Variants in MEI1 observed in about 807,000 individuals in gnomAD.
The protein encoded by MEI1 is meiosis inhibitor protein 1.
Under a neutral mutation model 146.2 loss-of-function variants are expected in MEI1, and 103 were observed. That is an observed-to-expected ratio of 0.70 (90% CI 0.60 to 0.83). MEI1 has a LOEUF of 0.83. MEI1 is among the 40% of genes least tolerant of loss of function. The pLI is 0.00. For synonymous variants in MEI1, 652 were observed against 628.2 expected (o/e 1.04, Z -0.57); for missense variants, 1,529 against 1,533.0 (o/e 1.00, Z 0.04).
intron 11 of MEI1, among the ~76,000 whole-genome samples, chr22:41,737,119 C>T (rs1380635561): frequency 6.6e-6 from 1 of 152,192 alleles, no homozygotes; most frequent in Non-Finnish European, 1.5e-5. Context: ...AAATAATATT[C>T]CCTTAAATCA....
At chr22:41,745,487 G>C (rs2073215779) in intron 13 of MEI1, among the ~76,000 whole-genome samples, 1 of 152,120 alleles carries the variant, frequency 6.6e-6, no homozygotes, top group African/African-American at 2.4e-5. Flanking sequence ...TGCCCTCAAG[G>C]AGCTCACAGT....
At chr22:41,707,997 A>G (rs2069227707) in intron 3 of MEI1, among the ~76,000 whole-genome samples, 1 of 152,230 alleles carries the variant, frequency 6.6e-6, no homozygotes, top group Admixed American at 6.5e-5. Context: ...CATAGAACAA[A>G]AACAACTTTT....
intron 20 of MEI1, chr22:41,774,208 G>C (rs969158185): frequency 6.6e-6 from 1 of 152,214 alleles, no homozygotes; most frequent in Non-Finnish European, 1.5e-5. Context: ...ACTACAGATT[G>C]GGTCATAGTT....
intron 1 of MEI1, 61 bp from the exon 2 acceptor site, chr22:41,703,270 G>A: frequency 6.4e-7 from 1 of 1,570,676 alleles, no homozygotes; most frequent in Non-Finnish European, 8.7e-7. Flanking sequence ...AATTACGGTT[G>A]TTGGATTCAG....
rs1368758048 is a variant in MEI1, at chr22:41,715,646, C to T, written c.424-395C>T. Among the ~76,000 whole-genome samples, 8 of 152,062 alleles carry T rather than the reference C, an allele frequency of 5.3e-5. No homozygotes were observed. The South Asian group carries it at 1.2e-3, about 24-fold the overall frequency. On this transcript the variant is annotated intron_variant, in intron 4 of 30. Coordinates refer to ENST00000401548, the MANE Select transcript of MEI1 (RefSeq NM_152513.4). Reference sequence around the variant, plus strand: ...TCCTGACCTCGTGATCCGCCCGCCTCGGCCTCCCAAAATGCTGGGATTACA... The same window carrying T: ...TCCTGACCTCGTGATCCGCCCGCCTTGGCCTCCCAAAATGCTGGGATTACA...
rs373499667 is a variant in MEI1, at chr22:41,753,998, C to G, written c.1903C>G (p.Leu635Val). The G allele has an allele frequency of 1.9e-6, 3 of 1,613,762 alleles. No individual in the cohort carries two copies. In the South Asian group the frequency reaches 3.3e-5, roughly 18 times the overall value. Residue 635 changes from leucine (L) to valine (V), a missense_variant, in exon 17 of 31, where the codon CTC becomes GTC. Transcript: ENST00000401548. ...TTCCAATTTCCTCTACTATATGTGC[C>G]TCAACCTTCTCTCAGCTCCAGAGAA... is the stretch of plus-strand genomic sequence containing the variant. The part of the protein sequence containing the change: ...VCSNFLYYMC[L>V]NLLSAPEKTG...
intron 1 of MEI1, among the ~76,000 whole-genome samples, chr22:41,701,665 GAC>G (rs1431039162): frequency 5.3e-5 from 8 of 152,122 alleles, no homozygotes; most frequent in Admixed American, 2.6e-4. Context: ...AGATGAATAA[GAC>G]AGTGCAGCGG....
At chr22:41,773,173 C>T (rs1241712517) in intron 20 of MEI1, among the ~76,000 whole-genome samples, 1 of 152,198 alleles carries the variant, frequency 6.6e-6, no homozygotes, top group Non-Finnish European at 1.5e-5. Context: ...TCCTTATCAC[C>T]TCTCCTTTCT....
intron 17 of MEI1, among the ~76,000 whole-genome samples, chr22:41,755,839 C>T (rs188916749): frequency 6.6e-6 from 1 of 152,252 alleles, no homozygotes; most frequent in African/African-American, 2.4e-5. Context: ...GCTGACCTGG[C>T]TCTGCTACCA....
intron 3 of MEI1, among the ~76,000 whole-genome samples, chr22:41,709,967 T>C (rs778845260): frequency 1.3e-5 from 2 of 152,050 alleles, no homozygotes; most frequent in Non-Finnish European, 2.9e-5. Context: ...TAAATTTATA[T>C]GTACCCCCCA....
intron 18 of MEI1, among the ~76,000 whole-genome samples, chr22:41,762,805 C>T (rs183256743): frequency 6.6e-6 from 1 of 152,146 alleles, no homozygotes; most frequent in East Asian, 1.9e-4. Context: ...GTTAAATACA[C>T]CACTGTTTAA....
intron 20 of MEI1, 133 bp downstream of exon 20, chr22:41,771,094 G>T (rs1042739809): frequency 1.1e-5 from 11 of 979,326 alleles, no homozygotes; most frequent in Middle Eastern, 3.3e-4. Context: ...CTGCATGTGA[G>T]TTGGAGGGGT....
chr22:41,784,668 C>G lies in MEI1; in HGVS notation c.3230C>G (p.Ala1077Gly). Residue 1077 changes from alanine (A) to glycine (G), a missense_variant, in exon 26 of 31, where the codon GCC (alanine) becomes GGC (glycine). Physicochemically the swap from Ala to Gly is moderately conservative, Grantham distance 60. This residue lies in a region of MEI1 where 313 missense variants were observed against 337.3 expected (regional missense o/e 0.93). Transcript: ENST00000401548. ...CAAAGCTTTTCCTCTGCCCTGGTAGCCCTGGTGCCCTCAGGGGCCCAGCCA... is the reference window on the plus strand; with the variant it reads ...CAAAGCTTTTCCTCTGCCCTGGTAGGCCTGGTGCCCTCAGGGGCCCAGCCA... ...LRQSFSSALV[A>G]LVPSGAQPLP... is the part of the protein sequence containing the mutation. 6.2e-7 allele frequency: 1 copy of G among 1,613,778 alleles called. No homozygotes were observed. The highest frequency in any genetic ancestry group is 8.5e-7 in the Non-Finnish European group (1 of 1,179,874).
At position 41,776,175 on chromosome 22, in the gene MEI1, A is replaced by G; in HGVS notation, c.2618A>G (p.Asn873Ser). The change falls in exon 21 of 31, where the codon AAT (asparagine) becomes AGT (serine). Residue 873 changes from asparagine to serine, a missense_variant. Physicochemically the swap from Asn to Ser is conservative, Grantham distance 46. Around this residue, in one of 3 missense-constraint regions of MEI1, gnomAD observed 1,212 missense variants for 1,178.9 expected, o/e 1.03. Coordinates refer to ENST00000401548, the MANE Select transcript of MEI1 (RefSeq NM_152513.4). ...LISLRTFLRR[N>S]EDIQVGGLIR... Reference sequence around the variant, plus strand: ...AGCCTGAGGACCTTCCTGAGGAGGAATGAGGATATCCAAGTGGGCGGTCTT... The same window carrying G: ...AGCCTGAGGACCTTCCTGAGGAGGAGTGAGGATATCCAAGTGGGCGGTCTT... 1.2e-6 allele frequency: 2 copies of G among 1,613,408 alleles called. No individual in the cohort carries two copies. Among genetic ancestry groups the G allele is most frequent in the South Asian group, 1.1e-5 (1 of 91,080 alleles).
At chr22:41,719,840 C>T (rs2070592634) in intron 6 of MEI1, among the ~76,000 whole-genome samples, 1 of 152,154 alleles carries the variant, frequency 6.6e-6, no homozygotes, top group Non-Finnish European at 1.5e-5. Context: ...AACAGATGGG[C>T]ACTGTAATTG....
chr22:41,718,777 A>G (rs1229162055), intron 6 of MEI1, among the ~76,000 whole-genome samples: 2 of 152,174 alleles, frequency 1.3e-5, no homozygotes, highest in African/African-American at 4.8e-5. Flanking sequence ...AGAGGCTGGC[A>G]GTTGGTGAAA....
At chr22:41,785,613 G>T (rs2075940599) in intron 26 of MEI1, among the ~76,000 whole-genome samples, 1 of 150,910 alleles carries the variant, frequency 6.6e-6, no homozygotes, top group Non-Finnish European at 1.5e-5. Context: ...GCCCAGGCTG[G>T]AGTGCAATGG....
rs776327366 is a variant in MEI1, at chr22:41,699,613, G to C, written c.75G>C (p.Glu25Asp). 21 of 1,612,412 alleles carry C rather than the reference G, an allele frequency of 1.3e-5. No individual in the cohort carries two copies. In the South Asian group the frequency reaches 2.2e-4, roughly 17 times the overall value. Residue 25 changes from glutamate to aspartate, a missense_variant, in exon 1 of 31, where the codon GAG (glutamate) becomes GAC (aspartate). This residue lies in a region of MEI1 where 1,212 missense variants were observed against 1,178.9 expected (regional missense o/e 1.03). Coordinates refer to ENST00000401548, the MANE Select transcript of MEI1 (RefSeq NM_152513.4). ...AGGAAGAGGCGGCGCTTCTATTCGA[G>C]AGGGCCCATTACCGGCACGACCCGC... is the stretch of plus-strand genomic sequence containing the variant. ...RREEEAALLFERAHYRHDPRW... is the reference protein window; with the variant it reads ...RREEEAALLFDRAHYRHDPRW...
In MEI1 at chr22:41,718,109, C is replaced by T; in HGVS notation, c.568C>T (p.Pro190Ser). 1 of 1,613,134 alleles carries T rather than the reference C, an allele frequency of 6.2e-7. No individual in the cohort carries two copies. The highest frequency in any genetic ancestry group is 8.5e-7 in the Non-Finnish European group (1 of 1,179,794). ...GCATCTGTTGAGAGGCTTAGTATAC[C>T]CCAGTGAGGGCATACAAGCTTCTGT... ...MEHLLRGLVY[P>S]SEGIQASVCY... is the part of the protein sequence containing the mutation. Residue 190 changes from proline (P) to serine (S), a missense_variant, in exon 6 of 31, where the codon CCC (proline) becomes TCC (serine). This residue lies in a region of MEI1 where 1,212 missense variants were observed against 1,178.9 expected (regional missense o/e 1.03). Transcript: ENST00000401548.
Sources: gnomAD v4.1 joint callset for allele counts (sites outside exome capture counted in the v4.1 genomes callset) on GRCh38, gnomAD v4.1.1 for gene constraint, gnomAD v4.1.1 regional missense constraint, MANE v1.5 for transcripts, NCBI Gene and HGNC (gene_info 2026-07-23, HGNC 2026-07-21) for gene names.